The following ADARB2 variants were observed in gnomAD, a reference collection of about 807,000 sequenced individuals.
The protein encoded by ADARB2 is inactive double-stranded RNA-specific editase B2.
In ADARB2, 25 loss-of-function variants were observed where a neutral mutation model predicts 62.2. The observed-to-expected ratio is 0.40, with a 90% CI of 0.29 to 0.56. The LOEUF (loss-of-function observed/expected upper bound fraction) is 0.56. ADARB2 is among the 20% of genes least tolerant of loss of function. The pLI, the probability that ADARB2 is intolerant of heterozygous loss-of-function variation, is 0.43. For missense variants in ADARB2, 1,071 were observed against 1,077.4 expected, an observed-to-expected ratio of 0.99 and a Z score of 0.08; for synonymous variants, 572 against 500.8, an observed-to-expected ratio of 1.14 and a Z score of -1.90.
intron 3 of ADARB2, among the ~76,000 whole-genome samples, chr10:1,302,709 G>A (rs1336853843): frequency 1.3e-5 from 2 of 152,196 alleles, no homozygotes; most frequent in African/African-American, 2.4e-5. Flanking sequence ...TCCTCAAGTG[G>A]GTCCCTGACC....
chr10:1,613,229 C>T (rs545656633), intron 1 of ADARB2, among the ~76,000 whole-genome samples: 1 of 152,184 alleles, frequency 6.6e-6, no homozygotes. Context: ...TCTCAGAATG[C>T]CTTTGGGGCA....
intron 1 of ADARB2, among the ~76,000 whole-genome samples, chr10:1,690,347 A>G (rs1834652631): frequency 6.6e-6 from 1 of 152,234 alleles, no homozygotes; most frequent in Admixed American, 6.5e-5. Context: ...CTGCTTCCAG[A>G]TATTAAATAC....
At chr10:1,592,227 G>A (rs986283014) in intron 1 of ADARB2, among the ~76,000 whole-genome samples, 4 of 149,210 alleles carry the variant, frequency 2.7e-5, no homozygotes, top group African/African-American at 9.8e-5. Context: ...CCTCCTCCGT[G>A]CCACATGATC....
At chr10:1,675,741 A>G (rs1834459779) in intron 1 of ADARB2, among the ~76,000 whole-genome samples, 1 of 152,044 alleles carries the variant, frequency 6.6e-6, no homozygotes, top group Non-Finnish European at 1.5e-5. Flanking sequence ...GACAGCCTGG[A>G]GACCTAGGGC....
In ADARB2 at chr10:1,676,997, C is replaced by T. The variant is rs567287369; in HGVS notation, c.100+60054G>A. On this transcript the variant is annotated intron_variant, in intron 1 of 9. Transcript: ENST00000381312. Reference sequence around the variant, plus strand: ...TCTGGGGAGGAGCCCCCCTGACCTGCCTGTTCTGGAAAACAAGGACCCTTC... The same window carrying T: ...TCTGGGGAGGAGCCCCCCTGACCTGTCTGTTCTGGAAAACAAGGACCCTTC... Among the ~76,000 whole-genome samples, 45 of 152,320 alleles carry T rather than the reference C, an allele frequency of 3.0e-4. 1 individual carries two copies. The highest frequency in any genetic ancestry group is 2.2e-3 in the Admixed American group (34 of 15,302).
At chr10:1,240,423 A>T (rs1288581642) in intron 5 of ADARB2, 1 of 152,218 alleles carries the variant, frequency 6.6e-6, no homozygotes, top group East Asian at 1.9e-4. Context: ...GTTCTGCCCC[A>T]TGGGTGATGG....
At chr10:1,491,220 C>T (rs1221642269) in intron 1 of ADARB2, among the ~76,000 whole-genome samples, 2 of 152,116 alleles carry the variant, frequency 1.3e-5, no homozygotes, top group Admixed American at 1.3e-4. Context: ...AGGTGTAAGC[C>T]ACCACACCCG....
chr10:1,363,011 CCCG>C lies in ADARB2; in HGVS notation c.1077+14_1077+16del. The stretch of plus-strand genomic sequence containing the variant: ...CCCAGCGCCGCCCGTTCCCCCTGCA[CCCG>C]CCGCGCCCCTCACCTGCGGCATTGG... On this transcript the variant is annotated intron_variant, in intron 3 of 9. Transcript: ENST00000381312. 6.8e-6 allele frequency: 9 copies of C among 1,331,062 alleles called. No individual in the cohort carries two copies. The highest frequency in any genetic ancestry group is 8.7e-6 in the Non-Finnish European group (9 of 1,037,902). The allele number at this position is 1,331,062 out of a possible 1,614,324, so 82.5% of individuals were successfully genotyped here. A position where few individuals can be genotyped will look rare whatever the true frequency, so the allele number is the denominator to read the frequency against.
intron 2 of ADARB2, 33 bp from the exon 3 acceptor site, chr10:1,363,950 G>A: frequency 7.0e-7 from 1 of 1,420,026 alleles, no homozygotes; most frequent in East Asian, 2.7e-5. Flanking sequence ...CAGGAGCCTG[G>A]GCGGGCGCCG....
chr10:1,721,500 T>A (rs1835092041), intron 1 of ADARB2, among the ~76,000 whole-genome samples: 2 of 151,942 alleles, frequency 1.3e-5, no homozygotes, highest in Admixed American at 1.3e-4. Context: ...TCACAGGGAG[T>A]GCAAAGACAC....
intron 1 of ADARB2, among the ~76,000 whole-genome samples, chr10:1,661,549 G>C (rs1001532818): frequency 1.3e-5 from 2 of 152,172 alleles, no homozygotes; most frequent in Admixed American, 6.5e-5. Context: ...GGAGGGCCCC[G>C]GCAAGCACCT....
chr10:1,491,924 A>T (rs4880512), intron 1 of ADARB2, among the ~76,000 whole-genome samples: 3 of 152,208 alleles, frequency 2.0e-5, no homozygotes, highest in Non-Finnish European at 2.9e-5. Context: ...GAGATAAGAC[A>T]GCAGAAAGCT....
intron 1 of ADARB2, among the ~76,000 whole-genome samples, chr10:1,418,297 G>T (rs74364451): frequency 0.019 from 2,891 of 152,266 alleles, 42 homozygotes; most frequent in South Asian, 0.039. Context: ...AAAGACGGTG[G>T]GCTCAGGGTC....
chr10:1,418,824 GAAA>G (rs55695805), intron 1 of ADARB2, among the ~76,000 whole-genome samples: 1 of 151,428 alleles, frequency 6.6e-6, no homozygotes, highest in African/African-American at 2.4e-5. Context: ...GGATAACTGA[GAAA>G]AAAAAAAATC....
At chr10:1,368,058 C>T (rs1588234526) in intron 2 of ADARB2, among the ~76,000 whole-genome samples, 1 of 152,130 alleles carries the variant, frequency 6.6e-6, no homozygotes, top group African/African-American at 2.4e-5. Context: ...TCTGCACAGG[C>T]CCCGATTCCC....
Position 1,242,280 on chromosome 10 carries a change from C to T in ADARB2, c.1212G>A (p.Ala404=), listed in dbSNP as rs774641401. The change falls in exon 5 of 10, where the codon GCG becomes GCA. Residue 404 remains alanine (A), a synonymous_variant. Coordinates refer to ENST00000381312, the MANE Select transcript of ADARB2 (RefSeq NM_018702.4). ...TCCCCGAGGACAGGGCCACGACCTG[C>T]GCCTGCCGAGCATCCAGGCCTGGGG... ...VMTKGLDARQ[A]QVVALSSGTK... is the part of the protein sequence containing the mutation. 25 of 1,565,790 alleles carry T rather than the reference C, an allele frequency of 1.6e-5. 1 individual carries two copies. Among genetic ancestry groups the T allele is most frequent in the Middle Eastern group, 1.7e-4 (1 of 5,980 alleles).
chr10:1,354,922 C>T (rs1337946624), intron 3 of ADARB2, among the ~76,000 whole-genome samples: 1 of 152,238 alleles, frequency 6.6e-6, no homozygotes. Context: ...GACCCTCTAG[C>T]CTCTGAGCTC....
intron 1 of ADARB2, among the ~76,000 whole-genome samples, chr10:1,716,669 A>C (rs1835019936): frequency 6.6e-6 from 1 of 152,062 alleles, no homozygotes; most frequent in South Asian, 2.1e-4. Context: ...TATAAAGCAA[A>C]ATACCCCAAA....
At chr10:1,612,112 T>A (rs1588323317) in intron 1 of ADARB2, among the ~76,000 whole-genome samples, 1 of 152,212 alleles carries the variant, frequency 6.6e-6, no homozygotes. Context: ...TGTGACTCGG[T>A]TCCTCCCCAG....
Sources: gnomAD v4.1 joint callset for allele counts (sites outside exome capture counted in the v4.1 genomes callset) on GRCh38, gnomAD v4.1.1 for gene constraint, MANE v1.5 for transcripts, NCBI Gene and HGNC (gene_info 2026-07-23, HGNC 2026-07-21) for gene names.